Variants in KIR2DL1 observed in about 807,000 individuals in gnomAD.
The protein encoded by KIR2DL1 is killer cell immunoglobulin like receptor, two Ig domains and long cytoplasmic tail 1, also known as killer cell immunoglobulin-like receptor 2DL1.
A neutral mutation model predicts 33.9 loss-of-function variants in KIR2DL1; 38 were observed. The ratio of observed to expected loss-of-function variants is 1.12; its 90% CI spans 0.86 to 1.47. The LOEUF (loss-of-function observed/expected upper bound fraction) is 1.47. Ranked by LOEUF, KIR2DL1 falls within the 40% of genes most tolerant of loss-of-function variation. The pLI is 0.00. For synonymous variants in KIR2DL1, 179 were observed against 165.9 expected, an observed-to-expected ratio of 1.08 and a Z score of -0.61; for missense variants, 531 against 433.9, an observed-to-expected ratio of 1.22 and a Z score of -1.99.
At position 54,782,978 on chromosome 19, in the gene KIR2DL1, ATCC is replaced by A. The variant is rs1220739009; in HGVS notation, c.778_780del (p.Leu260del). On this transcript the variant is annotated inframe_deletion, in exon 6 of 8. Transcript: ENST00000336077. ...GACCTCAGTGGTCATCATCCTCTTC[ATCC>A]TCCTCTTCTTTCTCCTTCATCGCTG... 8 of 1,613,360 alleles carry A rather than the reference ATCC, an allele frequency of 5.0e-6. No individual in the cohort carries two copies. In the Admixed American group the frequency reaches 6.7e-5, roughly 13 times the overall value.
chr19:54,773,249 G>A lies in KIR2DL1; in HGVS notation c.71-84G>A. 2.1e-6 allele frequency: 3 copies of A among 1,401,482 alleles called. 1 individual carries two copies. The highest frequency in any genetic ancestry group is 2.9e-6 in the Non-Finnish European group (3 of 1,020,964). 86.8% of individuals were successfully genotyped at this position (1,401,482 alleles called of 1,614,324 possible). On this transcript the variant is annotated intron_variant, in intron 2 of 7. Transcript: ENST00000336077. ...AGGAAGGAGAGAGATAAGACACCAG[G>A]AAGGGGAAGCCTGACTCAATCCAGG... is the stretch of plus-strand genomic sequence containing the variant.
rs575098435 is a variant in KIR2DL1 at position 54,769,801 on chromosome 19, C to T, written c.-50C>T. The T allele has an allele frequency of 4.9e-5, 76 of 1,554,950 alleles. 7 individuals carry two copies. The East Asian group carries it at 6.3e-4, about 13-fold the overall frequency. ...GCAGGGCGCCAAATAACATCCTGTGCGCTGCTGAGCTGAGCTCGGTCGCGG... is the reference window on the plus strand; with the variant it reads ...GCAGGGCGCCAAATAACATCCTGTGTGCTGCTGAGCTGAGCTCGGTCGCGG... On this transcript the variant is annotated 5_prime_UTR_variant, in exon 1 of 8. Transcript: ENST00000336077.
intron 4 of KIR2DL1, among the ~76,000 whole-genome samples, chr19:54,775,970 C>T (rs1569191419): frequency 6.8e-6 from 1 of 146,668 alleles, no homozygotes; most frequent in South Asian, 2.1e-4. Context: ...CAGCTCACTG[C>T]AACCTCCGCC....
chr19:54,781,879 G>T (rs768226128), intron 5 of KIR2DL1, among the ~76,000 whole-genome samples: 1 of 151,832 alleles, frequency 6.6e-6, no homozygotes, highest in East Asian at 1.9e-4. Context: ...CATTCGCTGT[G>T]AATCAATCCC....
intron 4 of KIR2DL1, among the ~76,000 whole-genome samples, chr19:54,776,931 C>A (rs1212076015): frequency 6.7e-6 from 1 of 148,374 alleles, no homozygotes; most frequent in Non-Finnish European, 1.5e-5. Flanking sequence ...CATGATCCAC[C>A]TCACCCAACC....
At position 54,780,478 on chromosome 19, in the gene KIR2DL1, G is replaced by A. The variant is rs554485439; in HGVS notation, c.715+1816G>A. On this transcript the variant is annotated intron_variant, in intron 5 of 7. Transcript: ENST00000336077. The stretch of plus-strand genomic sequence containing the variant: ...AGACGGAGAGCACACTGGGTACACA[G>A]GAAACTAAGGAGCAACAAGGAGTGT... Among the ~76,000 whole-genome samples, 5 of 142,174 alleles carry A rather than the reference G, an allele frequency of 3.5e-5. No homozygotes were observed. The East Asian group carries it at 9.8e-4, about 28-fold the overall frequency. 93.3% of individuals were successfully genotyped at this position (142,174 alleles called of 152,430 possible).
chr19:54,770,828 C>A (rs1326280289), intron 1 of KIR2DL1, 21 bp from the exon 2 acceptor site: 3 of 1,583,712 alleles, frequency 1.9e-6, no homozygotes, highest in South Asian at 1.1e-5. Flanking sequence ...ATGGGTCATC[C>A]ATCATGATCT....
rs371314402 is a variant in KIR2DL1 at position 54,772,408 on chromosome 19, C to T, written c.71-925C>T. 8.6e-4 allele frequency among the ~76,000 whole-genome samples: 119 copies of T among 139,064 alleles called. 1 individual carries two copies. Among genetic ancestry groups the T allele is most frequent in the Non-Finnish European group, 1.5e-3 (93 of 63,376 alleles). The allele number at this position is 139,064 out of a possible 152,430, so 91.2% of individuals were successfully genotyped here. Reference sequence around the variant, plus strand: ...CCTGCAGGTGCCTTGATTTTACCCACGACAAACAGGGTCCGATTTCTGTCT... The same window carrying T: ...CCTGCAGGTGCCTTGATTTTACCCATGACAAACAGGGTCCGATTTCTGTCT... On this transcript the variant is annotated intron_variant, in intron 2 of 7. Transcript: ENST00000336077.
In KIR2DL1 at chr19:54,770,257, G is replaced by T. The variant is rs1449482082; in HGVS notation, c.34+373G>T. ...GCAGTAGAGATATGGGCCTGAAGTG[G>T]AGACATGGGCCTGGAGTGGAGATAT... On this transcript the variant is annotated intron_variant, in intron 1 of 7. Transcript: ENST00000336077. Among the ~76,000 whole-genome samples, 14 of 143,062 alleles carry T rather than the reference G, an allele frequency of 9.8e-5. 1 individual carries two copies. Among genetic ancestry groups the T allele is most frequent in the Non-Finnish European group, 4.7e-5 (3 of 63,958 alleles). 93.9% of individuals were successfully genotyped at this position (143,062 alleles called of 152,430 possible). A position where few individuals can be genotyped will look rare whatever the true frequency, so the allele number is the denominator to read the frequency against.
At chr19:54,770,704 G>A (rs1239527329) in intron 1 of KIR2DL1, 145 bp from the exon 2 acceptor site, 30 of 1,222,870 alleles carry the variant, frequency 2.5e-5, no homozygotes, top group Non-Finnish European at 3.6e-5. Context: ...CGACAGCCCT[G>A]TTCTTGGGTG....
chr19:54,776,213 AG>A (rs1468949816), intron 4 of KIR2DL1, among the ~76,000 whole-genome samples: 1 of 145,998 alleles, frequency 6.8e-6, no homozygotes, highest in Non-Finnish European at 1.5e-5. Flanking sequence ...TTAAGTGTAA[AG>A]TCTAGTGGTC....
chr19:54,783,446 G>C, intron 6 of KIR2DL1, 40 bp from the exon 7 acceptor site: 1 of 1,606,590 alleles, frequency 6.2e-7, no homozygotes, highest in Non-Finnish European at 8.5e-7. Context: ...GGACCCAGAA[G>C]TGCCCTCCGA....
chr19:54,775,150 C>G lies in KIR2DL1; in HGVS notation c.371-15C>G, dbSNP rs2076167969. 3.8e-6 allele frequency: 6 copies of G among 1,561,134 alleles called. 1 individual carries two copies. Among genetic ancestry groups the G allele is most frequent in the Non-Finnish European group, 5.2e-6 (6 of 1,147,118 alleles). ...AGAAGATCCTCCCTGAGGAAACTGC[C>G]TCTTCTCCTTCCAGGTCTATATGAG... On this transcript the variant is annotated splice_polypyrimidine_tract_variant and intron_variant, in intron 3 of 7. Coordinates refer to ENST00000336077, the MANE Select transcript of KIR2DL1 (RefSeq NM_014218.3).
In KIR2DL1 at chr19:54,775,485, G is replaced by A. The variant is rs559725814; in HGVS notation, c.664+27G>A. 1.6e-4 allele frequency: 257 copies of A among 1,570,402 alleles called. 20 individuals are homozygous for A. In the South Asian group the frequency reaches 2.6e-3, roughly 16 times the overall value. Reference sequence around the variant, plus strand: ...TGAGGAAAGCCCATGGCTGTCCCATGTCCTATGATCCTAGAGCCTTAGCTG... The same window carrying A: ...TGAGGAAAGCCCATGGCTGTCCCATATCCTATGATCCTAGAGCCTTAGCTG... On this transcript the variant is annotated intron_variant, in intron 4 of 7. Coordinates refer to ENST00000336077, the MANE Select transcript of KIR2DL1 (RefSeq NM_014218.3).
intron 4 of KIR2DL1, among the ~76,000 whole-genome samples, chr19:54,776,960 G>A (rs1315913391): frequency 4.0e-5 from 6 of 149,564 alleles, no homozygotes; most frequent in Admixed American, 3.4e-4. Context: ...GTTCTTTAAA[G>A]GACTTCCATA....
chr19:54,776,126 G>A (rs680154), intron 4 of KIR2DL1, among the ~76,000 whole-genome samples: 20,958 of 136,532 alleles, frequency 0.15, 44 homozygotes, highest in South Asian at 0.25. Context: ...TCCTGACCAC[G>A]TGATCCACCC....
chr19:54,780,249 G>A, intron 5 of KIR2DL1: 1 of 446,462 alleles, frequency 2.2e-6, no homozygotes, highest in East Asian at 3.1e-5. Flanking sequence ...ATGATTTCAG[G>A]TGACAAAGAA....
At chr19:54,773,836 G>T (rs1349857774) in intron 3 of KIR2DL1, among the ~76,000 whole-genome samples, 1 of 148,154 alleles carries the variant, frequency 6.7e-6, no homozygotes, top group Non-Finnish European at 1.5e-5. Flanking sequence ...AGACACAGGG[G>T]CCATACCGGG....
In KIR2DL1 at chr19:54,783,716, G is replaced by T. The variant is rs201527316; in HGVS notation, c.950G>T (p.Arg317Leu). 2.5e-6 allele frequency: 4 copies of T among 1,613,512 alleles called. No homozygotes were observed. The highest frequency in any genetic ancestry group is 3.4e-6 in the Non-Finnish European group (4 of 1,179,852). The change falls in exon 8 of 8, where the codon CGC (arginine) becomes CTC (leucine). Residue 317 changes from arginine (R) to leucine (L), a missense_variant. Arg to Leu is a moderately radical substitution (Grantham distance 102). Transcript: ENST00000336077. ...GTTTTCACACAGAGAAAAATCACTCGCCCTTCTCAGAGGCCCAAGACACCC... is the reference window on the plus strand; with the variant it reads ...GTTTTCACACAGAGAAAAATCACTCTCCCTTCTCAGAGGCCCAAGACACCC... ...HCVFTQRKIT[R>L]PSQRPKTPPT... is the part of the protein sequence containing the mutation.
Sources: gnomAD v4.1 joint callset for allele counts (sites outside exome capture counted in the v4.1 genomes callset) on GRCh38, gnomAD v4.1.1 for gene constraint, MANE v1.5 for transcripts, NCBI Gene and HGNC (gene_info 2026-07-23, HGNC 2026-07-21) for gene names.